The following ZNF615 variants were observed in gnomAD, a reference collection of about 807,000 sequenced individuals.
ZNF615 encodes zinc finger protein 615.
In ZNF615, 15 loss-of-function variants were observed where a neutral mutation model predicts 15.3. The ratio of observed to expected loss-of-function variants is 0.98; its 90% confidence interval spans 0.66 to 1.51. The LOEUF (loss-of-function observed/expected upper bound fraction) is 1.51, where lower values mean the gene tolerates loss of function less well. Ranked by LOEUF, ZNF615 falls within the 40% of genes most tolerant of loss-of-function variation. The probability of loss-of-function intolerance (pLI) is 0.00; values close to 1 mark genes in which losing one functional copy is unlikely to be tolerated. For missense variants in ZNF615, 848 were observed against 895.9 expected (o/e 0.95, Z 0.68); for synonymous variants, 268 against 294.6 (o/e 0.91, Z 0.92).
At position 51,994,212 on chromosome 19, in the gene ZNF615, G is replaced by GT. The variant is rs1423536471; in HGVS notation, c.896dup (p.Tyr299Ter). The GT allele has an allele frequency of 6.2e-7, 1 of 1,613,928 alleles. No individual in the cohort carries two copies. The highest frequency in any genetic ancestry group is 1.1e-5 in the South Asian group (1 of 91,076). ...HQKTHMGGKP[Y>*]TCSQCGKAFI... ...AGGCTTTCCCACATTGGCTACATGT[G>GT]TAAGGTTTCCCTCCCATATGAGTTT... The change falls in exon 7 of 7, where the codon TAC becomes TAAC. Residue 299 changes from tyrosine to a stop codon, truncating the protein, a stop_gained and frameshift_variant. Transcript: ENST00000598071. LOFTEE classifies it low-confidence loss of function (END_TRUNC).
intron 5 of ZNF615, among the ~76,000 whole-genome samples, chr19:52,000,697 A>G (rs2086565419): frequency 1.3e-5 from 2 of 152,204 alleles, no homozygotes; most frequent in Admixed American, 1.3e-4. Flanking sequence ...CTCACGCTGT[A>G]ATCCCAGCAC....
rs763524758 is a variant in ZNF615 at position 51,993,542 on chromosome 19, A to G, written c.1567T>C (p.Tyr523His). The G allele has an allele frequency of 9.3e-6, 15 of 1,613,748 alleles. No homozygotes were observed. In the South Asian group the frequency reaches 1.6e-4, roughly 18 times the overall value. ...CCTTTTCCACACTCACCACATACATAGGGTTTTTCTCCAGTATGAGTTCGC... is the reference window on the plus strand; with the variant it reads ...CCTTTTCCACACTCACCACATACATGGGGTTTTTCTCCAGTATGAGTTCGC... ...HQRTHTGEKP[Y>H]VCGECGKGFP... The change falls in exon 7 of 7, where the codon TAT becomes CAT. Residue 523 changes from tyrosine to histidine, a missense_variant. Physicochemically the swap from Tyr to His is moderately conservative, Grantham distance 83. Transcript: ENST00000598071.
chr19:52,002,600 G>A (rs927648309), intron 3 of ZNF615: 1 of 416,768 alleles, frequency 2.4e-6, no homozygotes, highest in African/African-American at 2.1e-5. Context: ...GTTACAAGTA[G>A]ACGAATAATT....
chr19:51,992,823 C>T lies in ZNF615; in HGVS notation c.*57G>A, dbSNP rs148384941. 6.4e-7 allele frequency: 1 copy of T among 1,557,562 alleles called. No homozygotes were observed. The highest frequency in any genetic ancestry group is 8.7e-7 in the Non-Finnish European group (1 of 1,147,994). ...CATGTAGTCTGCATTCATGAAATTA[C>T]TCTTCTTTGCAGATATCTTAAGGGC... On this transcript the variant is annotated 3_prime_UTR_variant, in exon 7 of 7. Transcript: ENST00000598071.
intron 6 of ZNF615, among the ~76,000 whole-genome samples, chr19:51,996,385 CAAAAAA>C (rs1172310589): frequency 3.3e-4 from 11 of 33,326 alleles, no homozygotes; most frequent in African/African-American, 9.6e-4. Flanking sequence ...GACTCTGTCT[CAAAAAA>C]AAAAAAAAAA....
chr19:51,997,747 ACAC>A (rs1364306824), intron 6 of ZNF615, among the ~76,000 whole-genome samples: 1 of 152,184 alleles, frequency 6.6e-6, no homozygotes, highest in Non-Finnish European at 1.5e-5. Flanking sequence ...TTTATGGTGG[ACAC>A]CTGGTTTTGC....
chr19:52,003,996 C>T (rs1486160876), intron 2 of ZNF615, 96 bp from the exon 3 acceptor site: 2 of 805,570 alleles, frequency 2.5e-6, no homozygotes, highest in Non-Finnish European at 3.3e-6. Flanking sequence ...CCCCAAATAT[C>T]TCTCTGTTCT....
Position 51,994,791 on chromosome 19 carries a change from T to G in ZNF615, c.318A>C (p.Gln106His). The G allele has an allele frequency of 6.2e-7, 1 of 1,602,496 alleles. No individual in the cohort carries two copies. Among genetic ancestry groups the G allele is most frequent in the Non-Finnish European group, 8.5e-7 (1 of 1,175,640 alleles). Reference sequence around the variant, plus strand: ...ACTGTTTCACACTCTTCTGAATACTTTGATTTTGCAAGTGATGCTGCAGAG... The same window carrying G: ...ACTGTTTCACACTCTTCTGAATACTGTGATTTTGCAAGTGATGCTGCAGAG... Reference protein sequence around the residue: ...DDPLQHHLQNQSIQKSVKQCH... With the variant: ...DDPLQHHLQNHSIQKSVKQCH... The change falls in exon 7 of 7, where the codon CAA becomes CAC. Residue 106 changes from glutamine (Q) to histidine (H), a missense_variant. Transcript: ENST00000598071.
Position 51,993,740 on chromosome 19 carries a change from G to A in ZNF615, c.1369C>T (p.His457Tyr). The change falls in exon 7 of 7, where the codon CAT becomes TAT. Residue 457 changes from histidine to tyrosine, a missense_variant. Coordinates refer to ENST00000598071, the MANE Select transcript of ZNF615 (RefSeq NM_001199324.2). ...GFALKSPLIRHQRTHTGEKPY... is the reference protein window; with the variant it reads ...GFALKSPLIRYQRTHTGEKPY... ...TTCTCTCCAGTATGTGTTCGCTGATGTCTGATGAGTGGGCTCTTCAAAGCG... is the reference window on the plus strand; with the variant it reads ...TTCTCTCCAGTATGTGTTCGCTGATATCTGATGAGTGGGCTCTTCAAAGCG... 1 of 1,614,018 alleles carries A rather than the reference G, an allele frequency of 6.2e-7. No homozygotes were observed. Among genetic ancestry groups the A allele is most frequent in the Non-Finnish European group, 8.5e-7 (1 of 1,180,018 alleles).
Position 51,992,831 on chromosome 19 carries a change from T to G in ZNF615, c.*49A>C. ...CTGCATTCATGAAATTACTCTTCTT[T>G]GCAGATATCTTAAGGGCCTACATCT... On this transcript the variant is annotated 3_prime_UTR_variant, in exon 7 of 7. Transcript: ENST00000598071. 2 of 1,582,512 alleles carry G rather than the reference T, an allele frequency of 1.3e-6. No individual in the cohort carries two copies. The highest frequency in any genetic ancestry group is 2.3e-5 in the South Asian group (2 of 87,424).
Position 51,992,811 on chromosome 19 carries a change from T to A in ZNF615, c.*69A>T. On this transcript the variant is annotated 3_prime_UTR_variant, in exon 7 of 7. Transcript: ENST00000598071. Reference sequence around the variant, plus strand: ...TAAATAAACAACCATGTAGTCTGCATTCATGAAATTACTCTTCTTTGCAGA... The same window carrying A: ...TAAATAAACAACCATGTAGTCTGCAATCATGAAATTACTCTTCTTTGCAGA... The A allele has an allele frequency of 6.6e-7, 1 of 1,520,366 alleles. No homozygotes were observed. The allele number at this position is 1,520,366 out of a possible 1,614,324, so 94.2% of individuals were successfully genotyped here.
At chr19:51,995,407 T>C (rs904233164) in intron 6 of ZNF615, among the ~76,000 whole-genome samples, 1 of 152,116 alleles carries the variant, frequency 6.6e-6, no homozygotes, top group Admixed American at 6.5e-5. Flanking sequence ...ACCCCAAAAT[T>C]TGGCAGGATA....
At chr19:52,001,088 G>A (rs1342625943) in intron 5 of ZNF615, among the ~76,000 whole-genome samples, 1 of 152,014 alleles carries the variant, frequency 6.6e-6, no homozygotes, top group Non-Finnish European at 1.5e-5. Flanking sequence ...AATAATGAAG[G>A]AAAATTATTA....
intron 6 of ZNF615, among the ~76,000 whole-genome samples, chr19:51,996,867 A>T (rs2086456770): frequency 6.6e-6 from 1 of 152,222 alleles, no homozygotes; most frequent in African/African-American, 2.4e-5. Context: ...GCCTCTTGAA[A>T]ATTGCTAAAA....
Position 51,993,067 on chromosome 19 carries a change from T to G in ZNF615, c.2042A>C (p.His681Pro). ...FSLRKNDLIT[H>P]QRIHTGEKPY... The stretch of plus-strand genomic sequence containing the variant: ...TTTCTCTCCTGTGTGAATTCTCTGA[T>G]GTGTAATAAGATCATTTTTGCGCAA... The change falls in exon 7 of 7, where the codon CAT becomes CCT. Residue 681 changes from histidine to proline, a missense_variant. Coordinates refer to ENST00000598071, the MANE Select transcript of ZNF615 (RefSeq NM_001199324.2). 2 of 1,614,242 alleles carry G rather than the reference T, an allele frequency of 1.2e-6. No individual in the cohort carries two copies. The highest frequency in any genetic ancestry group is 1.7e-6 in the Non-Finnish European group (2 of 1,180,032).
intron 3 of ZNF615, 25 bp from the exon 4 acceptor site, chr19:52,002,306 T>C (rs374146574): frequency 2.7e-4 from 430 of 1,613,688 alleles, no homozygotes; most frequent in Admixed American, 1.1e-3. Flanking sequence ...TTCTGTTTAA[T>C]GAAGTCATAT....
In ZNF615 at chr19:52,002,126, T is replaced by A. The variant is rs574502764; in HGVS notation, c.142+29A>T. 3.1e-6 allele frequency: 5 copies of A among 1,614,208 alleles called. No homozygotes were observed. In the South Asian group the frequency reaches 4.4e-5, roughly 14 times the overall value. On this transcript the variant is annotated intron_variant, in intron 4 of 6. Transcript: ENST00000598071. ...AAGGAAGGCCACTGACTGGGCACCC[T>A]CTGAGTGACACAGGGCAGCTGTCCT...
At position 51,993,988 on chromosome 19, in the gene ZNF615, T is replaced by A; in HGVS notation, c.1121A>T (p.His374Leu). 6.2e-7 allele frequency: 1 copy of A among 1,612,344 alleles called. No individual in the cohort carries two copies. Among genetic ancestry groups the A allele is most frequent in the Non-Finnish European group, 8.5e-7 (1 of 1,178,994 alleles). Reference sequence around the variant, plus strand: ...GGGTTTCTCACCAGTATGAGTTCGATGATGTGCAGTAAGACGCCTCTTCTC... The same window carrying A: ...GGGTTTCTCACCAGTATGAGTTCGAAGATGTGCAGTAAGACGCCTCTTCTC... ...FIEKRRLTAH[H>L]RTHTGEKPFI... Residue 374 changes from histidine to leucine, a missense_variant, in exon 7 of 7, where the codon CAT (histidine) becomes CTT (leucine). Coordinates refer to ENST00000598071, the MANE Select transcript of ZNF615 (RefSeq NM_001199324.2).
At chr19:52,001,412 G>C (rs1348961667) in intron 5 of ZNF615, among the ~76,000 whole-genome samples, 1 of 152,090 alleles carries the variant, frequency 6.6e-6, no homozygotes, top group African/African-American at 2.4e-5. Flanking sequence ...AAGGTCAAGA[G>C]ATCAAGACCA....
Sources: allele counts gnomAD v4.1 joint callset (sites outside exome capture counted in the v4.1 genomes callset), GRCh38; gene constraint gnomAD v4.1.1; transcripts MANE v1.5; gene names NCBI Gene and HGNC (gene_info 2026-07-23, HGNC 2026-07-21).